The following SH2D4B variants were observed in gnomAD, a reference collection of about 807,000 sequenced individuals.
SH2D4B encodes SH2 domain containing 4B.
SH2D4B carries 45 observed loss-of-function variants against 61.5 expected under a neutral mutation model. The ratio of observed to expected loss-of-function variants is 0.73; its 90% CI spans 0.58 to 0.94. The LOEUF (loss-of-function observed/expected upper bound fraction) is 0.94. SH2D4B is among the 40% of genes least tolerant of loss of function. SH2D4B has a pLI of 0.00. For synonymous variants in SH2D4B, 224 were observed against 220.4 expected (o/e 1.02, Z -0.14); for missense variants, 572 against 574.2 (o/e 1.00, Z 0.04).
chr10:80,548,808 C>T (rs1051745702), intron 1 of SH2D4B, among the ~76,000 whole-genome samples: 6 of 152,196 alleles, frequency 3.9e-5, no homozygotes, highest in Non-Finnish European at 7.3e-5. Context: ...ACATCACTGT[C>T]TAGCCAACCT....
rs920491009 is a variant in SH2D4B at position 80,645,730 on chromosome 10, C to T, written c.*1645C>T. ...TGCACTTCTGAATGAAGTAGCAGCT[C>T]ATAAGCTTTTGCCACAGGCTCTGTC... On this transcript the variant is annotated 3_prime_UTR_variant, in exon 8 of 8. Coordinates refer to ENST00000646907, the MANE Select transcript of SH2D4B (RefSeq NM_001388272.1). 2 of 152,192 alleles carry T rather than the reference C, an allele frequency of 1.3e-5. No homozygotes were observed. The highest frequency in any genetic ancestry group is 2.9e-5 in the Non-Finnish European group (2 of 68,058). The allele number at this position is 152,192 out of a possible 1,614,324, so 9.4% of individuals were successfully genotyped here. A position where few individuals can be genotyped will look rare whatever the true frequency, so the allele number is the denominator to read the frequency against.
intron 7 of SH2D4B, among the ~76,000 whole-genome samples, chr10:80,643,300 T>A (rs1159145353): frequency 6.6e-6 from 1 of 151,994 alleles, no homozygotes; most frequent in East Asian, 1.9e-4. Flanking sequence ...TTATTTCTTA[T>A]TCCGCTGAGG....
intron 1 of SH2D4B, among the ~76,000 whole-genome samples, chr10:80,543,456 G>A (rs1841614046): frequency 6.6e-6 from 1 of 152,190 alleles, no homozygotes; most frequent in Non-Finnish European, 1.5e-5. Context: ...CCGCGGCGCA[G>A]GGCTCGGGAC....
chr10:80,591,125 G>A (rs1005947643), intron 4 of SH2D4B, among the ~76,000 whole-genome samples: 4 of 151,748 alleles, frequency 2.6e-5, no homozygotes, highest in Admixed American at 2.6e-4. Context: ...ATACCACATT[G>A]TTGTTTGTCC....
chr10:80,600,324 A>G (rs1375866338), intron 4 of SH2D4B, among the ~76,000 whole-genome samples: 1 of 152,198 alleles, frequency 6.6e-6, no homozygotes, highest in African/African-American at 2.4e-5. Context: ...GTTGCTTTGA[A>G]GCATGGAGTT....
chr10:80,563,826 C>CATATT (rs1309755787), intron 1 of SH2D4B, among the ~76,000 whole-genome samples: 1 of 152,164 alleles, frequency 6.6e-6, no homozygotes, highest in Non-Finnish European at 1.5e-5. Context: ...TCCCACAAGG[C>CATATT]ATATAGGTTG....
At chr10:80,627,221 G>A (rs2132156612) in intron 6 of SH2D4B, among the ~76,000 whole-genome samples, 1 of 152,246 alleles carries the variant, frequency 6.6e-6, no homozygotes, top group African/African-American at 2.4e-5. Flanking sequence ...CCCTCACTGA[G>A]CTGAAATCCT....
At chr10:80,627,497 T>C (rs1329690508) in intron 6 of SH2D4B, among the ~76,000 whole-genome samples, 2 of 152,006 alleles carry the variant, frequency 1.3e-5, no homozygotes, top group Non-Finnish European at 2.9e-5. Flanking sequence ...CTCTTGTCCC[T>C]TTCTGGACTC....
At chr10:80,636,122 G>T (rs1275089620) in intron 7 of SH2D4B, among the ~76,000 whole-genome samples, 3 of 152,160 alleles carry the variant, frequency 2.0e-5, no homozygotes, top group African/African-American at 7.2e-5. Context: ...GCAAAGGACA[G>T]GAACTCATCC....
At chr10:80,602,155 T>G (rs1191555400) in intron 4 of SH2D4B, among the ~76,000 whole-genome samples, 1 of 152,142 alleles carries the variant, frequency 6.6e-6, no homozygotes, top group African/African-American at 2.4e-5. Context: ...GGCCCTTCCT[T>G]GAGGAGCACA....
At chr10:80,612,625 C>T (rs1244730501) in intron 6 of SH2D4B, among the ~76,000 whole-genome samples, 4 of 152,102 alleles carry the variant, frequency 2.6e-5, no homozygotes, top group Admixed American at 6.5e-5. Context: ...CTTTTTCTTA[C>T]GAGGAACTGC....
chr10:80,572,071 C>T (rs72805714), intron 3 of SH2D4B, among the ~76,000 whole-genome samples: 3,909 of 151,888 alleles, frequency 0.026, 61 homozygotes, highest in Middle Eastern at 0.051. Flanking sequence ...TGCGCCCGGC[C>T]GGGCCAATCC....
chr10:80,632,679 AG>A lies in SH2D4B; in HGVS notation c.989-1603del, dbSNP rs150473425. 5.1e-3 allele frequency among the ~76,000 whole-genome samples: 773 copies of A among 152,122 alleles called. 6 individuals carry two copies. Among genetic ancestry groups the A allele is most frequent in the African/African-American group, 0.018 (748 of 41,502 alleles). On this transcript the variant is annotated intron_variant, in intron 6 of 7. Transcript: ENST00000646907. ...GGCCCGGGTGTTCTGGTGTTGGGGC[AG>A]GGAGGTAGGTGAAGGACAGTGCCAA...
chr10:80,640,173 G>C (rs183076339), intron 7 of SH2D4B, among the ~76,000 whole-genome samples: 1 of 152,172 alleles, frequency 6.6e-6, no homozygotes, highest in African/African-American at 2.4e-5. Flanking sequence ...AGTCTGATGG[G>C]CTTCCCTTTG....
At chr10:80,571,616 A>C (rs1490880551) in intron 3 of SH2D4B, 38 bp downstream of exon 3, 1 of 1,610,008 alleles carries the variant, frequency 6.2e-7, no homozygotes, top group Non-Finnish European at 8.5e-7. Context: ...GCGGCCACCT[A>C]ATTAGCCCCT....
At chr10:80,555,305 C>A (rs1841816917) in intron 1 of SH2D4B, among the ~76,000 whole-genome samples, 1 of 152,166 alleles carries the variant, frequency 6.6e-6, no homozygotes, top group South Asian at 2.1e-4. Context: ...GGTCTAGAAC[C>A]AGGAAGCTGT....
At chr10:80,585,187 A>G (rs893597169) in intron 3 of SH2D4B, among the ~76,000 whole-genome samples, 7 of 152,214 alleles carry the variant, frequency 4.6e-5, no homozygotes, top group Non-Finnish European at 8.8e-5. Context: ...CTGAGACTTT[A>G]TCCAGACTTA....
At chr10:80,568,741 G>C (rs1040877488) in intron 1 of SH2D4B, among the ~76,000 whole-genome samples, 11 of 152,144 alleles carry the variant, frequency 7.2e-5, no homozygotes, top group African/African-American at 2.7e-4. Context: ...TTCTGTATTT[G>C]TTCTATTCCC....
intron 6 of SH2D4B, among the ~76,000 whole-genome samples, chr10:80,625,124 ACAGTGTATTTATTTTT>A (rs2132155264): frequency 6.6e-6 from 1 of 152,254 alleles, no homozygotes. Context: ...TATAAATGTC[ACAGTGTATTTATTTTT>A]CAGTTATTTG....
Sources: gnomAD v4.1 joint callset for allele counts (sites outside exome capture counted in the v4.1 genomes callset) on GRCh38, gnomAD v4.1.1 for gene constraint, MANE v1.5 for transcripts, NCBI Gene and HGNC (gene_info 2026-07-23, HGNC 2026-07-21) for gene names.